Variants in NAV2 observed in about 807,000 individuals in gnomAD.
NAV2 encodes helicase, APC down-regulated 1.
NAV2 carries 54 observed loss-of-function variants against 223.2 expected under a neutral mutation model. The observed-to-expected ratio is 0.24, with a 90% CI of 0.19 to 0.30. The LOEUF (loss-of-function observed/expected upper bound fraction) is 0.30, where lower values mean the gene tolerates loss of function less well. Among genes scored for constraint, NAV2 ranks in the 10% least tolerant of loss-of-function variants. NAV2 has a pLI of 1.00. For synonymous variants in NAV2, 1,279 were observed against 1,239.3 expected (o/e 1.03, Z -0.67); for missense variants, 2,806 against 3,147.5 (o/e 0.89, Z 2.60).
rs201685015 is a variant in NAV2 at position 20,055,838 on chromosome 11, A to G, written c.4712A>G (p.Asn1571Ser). The G allele has an allele frequency of 1.4e-5, 22 of 1,614,036 alleles. No homozygotes were observed. The Admixed American group carries it at 1.8e-4, about 13-fold the overall frequency. The stretch of plus-strand genomic sequence containing the variant: ...ATGCTGAGGACTCACAGCCTCTCCA[A>G]TGCTGATGGGCAGTATGATCCATAC... The part of the protein sequence containing the change: ...PTMLRTHSLS[N>S]ADGQYDPYTD... Residue 1571 changes from asparagine to serine, a missense_variant, in exon 19 of 38, where the codon AAT (asparagine) becomes AGT (serine). By Grantham distance (46) the Asn-to-Ser change is conservative. Transcript: ENST00000349880.
At chr11:20,006,605 G>T (rs895594289) in intron 11 of NAV2, among the ~76,000 whole-genome samples, 9 of 152,070 alleles carry the variant, frequency 5.9e-5, no homozygotes, top group Non-Finnish European at 1.2e-4. Context: ...AACCCGGGAG[G>T]CGGAGGTTGC....
intron 1 of NAV2, among the ~76,000 whole-genome samples, chr11:19,762,615 T>C (rs1482474024): frequency 6.9e-5 from 10 of 144,408 alleles, no homozygotes; most frequent in Admixed American, 1.4e-4. Context: ...AGTCTTCTTT[T>C]TTTTTTTTTT....
intron 1 of NAV2, among the ~76,000 whole-genome samples, chr11:19,399,018 C>G (rs546074816): frequency 6.6e-6 from 1 of 152,194 alleles, no homozygotes; most frequent in Non-Finnish European, 1.5e-5. Context: ...ATGCATCAGC[C>G]TCATAAAATG....
chr11:19,945,160 CCCT>C (rs1565615027), intron 8 of NAV2, among the ~76,000 whole-genome samples: 4 of 14,372 alleles, frequency 2.8e-4, no homozygotes, highest in East Asian at 1.9e-3. Flanking sequence ...TGTCTCCCTT[CCCT>C]TCCCTTCCCT....
intron 19 of NAV2, among the ~76,000 whole-genome samples, chr11:20,057,706 C>G (rs145092130): frequency 0.01 from 1,573 of 152,308 alleles, 27 homozygotes; most frequent in African/African-American, 0.036. Context: ...ATGTGTCTTC[C>G]TGAGTGAACC....
chr11:19,593,663 A>G (rs576472193), intron 1 of NAV2, among the ~76,000 whole-genome samples: 7 of 152,192 alleles, frequency 4.6e-5, no homozygotes, highest in Non-Finnish European at 7.3e-5. Flanking sequence ...TCCCACCAGC[A>G]ATGTGTGAGT....
chr11:19,953,736 T>G (rs1236071471), intron 10 of NAV2, among the ~76,000 whole-genome samples: 1 of 152,206 alleles, frequency 6.6e-6, no homozygotes, highest in African/African-American at 2.4e-5. Flanking sequence ...CAGACAGACT[T>G]GAGATTTAAT....
At position 20,114,601 on chromosome 11, in the gene NAV2, A is replaced by T; in HGVS notation, c.6970A>T (p.Arg2324Trp). 1 of 1,614,082 alleles carries T rather than the reference A, an allele frequency of 6.2e-7. No homozygotes were observed. The highest frequency in any genetic ancestry group is 1.3e-5 in the African/African-American group (1 of 75,038). Residue 2324 changes from arginine (R) to tryptophan (W), a missense_variant, in exon 37 of 38, where the codon AGG (arginine) becomes TGG (tryptophan). This residue lies in a region of NAV2 where 824 missense variants were observed against 1,069.4 expected (regional missense o/e 0.77). Transcript: ENST00000349880. ...AVREGLQLYG[R>W]RAPWEDPAKW... is the part of the protein sequence containing the mutation. Reference sequence around the variant, plus strand: ...CTTTGCCTGTTTTCAGCTCTATGGAAGGCGCGCCCCCTGGGAGGATCCTGC... The same window carrying T: ...CTTTGCCTGTTTTCAGCTCTATGGATGGCGCGCCCCCTGGGAGGATCCTGC...
intron 3 of NAV2, among the ~76,000 whole-genome samples, chr11:19,850,677 A>G (rs1207594368): frequency 6.6e-6 from 1 of 152,126 alleles, no homozygotes; most frequent in East Asian, 1.9e-4. Context: ...GAACATTGTA[A>G]TTACTCTCAG....
At chr11:19,892,760 A>C (rs1002257627) in intron 6 of NAV2, among the ~76,000 whole-genome samples, 166 bp downstream of exon 6, 3 of 152,214 alleles carry the variant, frequency 2.0e-5, no homozygotes, top group Non-Finnish European at 4.4e-5. Flanking sequence ...CAGAGGTATT[A>C]ATAAAGTGGG....
intron 7 of NAV2, among the ~76,000 whole-genome samples, chr11:19,936,335 T>C (rs1321462086): frequency 6.6e-6 from 1 of 152,222 alleles, no homozygotes; most frequent in African/African-American, 2.4e-5. Context: ...ATCAATCCCA[T>C]TCCTTCTTTT....
intron 1 of NAV2, among the ~76,000 whole-genome samples, chr11:19,517,702 T>C (rs2043501903): frequency 1.3e-5 from 2 of 152,178 alleles, no homozygotes; most frequent in South Asian, 4.1e-4. Context: ...CAGAGGAGGC[T>C]CCTAAAGGAG....
intron 6 of NAV2, among the ~76,000 whole-genome samples, chr11:19,912,652 C>T (rs1046357602): frequency 6.6e-6 from 1 of 152,164 alleles, no homozygotes; most frequent in Non-Finnish European, 1.5e-5. Context: ...GGACCATGTC[C>T]TTATAGGCAT....
intron 1 of NAV2, among the ~76,000 whole-genome samples, chr11:19,438,542 C>T (rs758262131): frequency 2.0e-5 from 3 of 152,216 alleles, no homozygotes; most frequent in Non-Finnish European, 4.4e-5. Context: ...TTTTCATACT[C>T]TCCAGACACC....
intron 1 of NAV2, among the ~76,000 whole-genome samples, chr11:19,817,444 T>A (rs2059146221): frequency 6.6e-6 from 1 of 152,066 alleles, no homozygotes; most frequent in Non-Finnish European, 1.5e-5. Flanking sequence ...TGAGTTTTGA[T>A]CCCCAAGTCA....
intron 8 of NAV2, among the ~76,000 whole-genome samples, chr11:19,943,376 A>G (rs1304019198): frequency 6.6e-6 from 1 of 152,214 alleles, no homozygotes; most frequent in Non-Finnish European, 1.5e-5. Context: ...TGGGAGGGAA[A>G]TGCAAGTTTG....
chr11:19,814,966 G>A (rs1316759660), intron 1 of NAV2, among the ~76,000 whole-genome samples: 1 of 152,170 alleles, frequency 6.6e-6, no homozygotes, highest in Non-Finnish European at 1.5e-5. Flanking sequence ...CTAGGAAAGA[G>A]TGTGCTTCTC....
Position 20,012,950 on chromosome 11 carries a change from G to T in NAV2, c.2769-23009G>T, listed in dbSNP as rs142929645. On this transcript the variant is annotated intron_variant, in intron 11 of 37. Coordinates refer to ENST00000349880, the MANE Select transcript of NAV2 (RefSeq NM_145117.5). ...CCCCAATTTCTTCATATAAACTTGGGATGATTATACCTACTGCATAGGGAA... is the reference window on the plus strand; with the variant it reads ...CCCCAATTTCTTCATATAAACTTGGTATGATTATACCTACTGCATAGGGAA... 2.5e-4 allele frequency among the ~76,000 whole-genome samples: 38 copies of T among 152,290 alleles called. No individual in the cohort carries two copies. In the East Asian group the frequency reaches 6.4e-3, roughly 26 times the overall value.
At position 20,079,865 on chromosome 11, in the gene NAV2, C is replaced by T. The variant is rs558309308; in HGVS notation, c.5180-199C>T. ...TTTTGTAAAGTGGGGAGAGATAGAC[C>T]TCATTTAATTGACCAAAGAGGGCAA... On this transcript the variant is annotated intron_variant, in intron 24 of 37. Transcript: ENST00000349880. Among the ~76,000 whole-genome samples the T allele has an allele frequency of 3.9e-5, 6 of 152,274 alleles. No individual in the cohort carries two copies. In the East Asian group the frequency reaches 1.2e-3, roughly 29 times the overall value.
Sources: gnomAD v4.1 joint callset for allele counts (sites outside exome capture counted in the v4.1 genomes callset) on GRCh38, gnomAD v4.1.1 for gene constraint, gnomAD v4.1.1 regional missense constraint, MANE v1.5 for transcripts, NCBI Gene and HGNC (gene_info 2026-07-23, HGNC 2026-07-21) for gene names.